AAMP: variants seen among roughly 807,000 people sequenced by gnomAD.
AAMP encodes the protein angio associated migratory cell protein.
Under a neutral mutation model 51.1 loss-of-function variants are expected in AAMP, and 12 were observed. The ratio of observed to expected loss-of-function variants is 0.23; its 90% CI spans 0.15 to 0.38. The LOEUF (loss-of-function observed/expected upper bound fraction) is 0.38, where lower values mean the gene tolerates loss of function less well. AAMP is among the 10% of genes least tolerant of loss of function. AAMP has a pLI of 1.00. For missense variants in AAMP, 418 were observed against 557.2 expected (o/e 0.75, Z 2.52); for synonymous variants, 210 against 218.7 (o/e 0.96, Z 0.35).
rs1559495044 is a variant in AAMP, at chr2:218,270,131, CAG to C, written c.-47_-46del. 1 of 1,607,412 alleles carries C rather than the reference CAG, an allele frequency of 6.2e-7. No individual in the cohort carries two copies. The highest frequency in any genetic ancestry group is 8.5e-7 in the Non-Finnish European group (1 of 1,176,306). On this transcript the variant is annotated 5_prime_UTR_variant, in exon 1 of 11. Transcript: ENST00000248450. Reference sequence around the variant, plus strand: ...CACTTCTCTGGGCCCAAACGCCTCCCAGAGTCAGCTCTGCGCGACGACGCGGA... The same window carrying C: ...CACTTCTCTGGGCCCAAACGCCTCCCAGTCAGCTCTGCGCGACGACGCGGA...
At chr2:218,264,930 C>A (rs1690585881) in intron 10 of AAMP, 90 bp downstream of exon 10, 5 of 1,579,234 alleles carry the variant, frequency 3.2e-6, no homozygotes, top group Non-Finnish European at 4.3e-6. Context: ...TTAGGAATCC[C>A]TTCCCACACC....
rs1448300114 is a variant in AAMP, at chr2:218,267,011, C to T, written c.395-25G>A. The T allele has an allele frequency of 1.2e-6, 2 of 1,608,250 alleles. No individual in the cohort carries two copies. The highest frequency in any genetic ancestry group is 8.5e-7 in the Non-Finnish European group (1 of 1,176,342). On this transcript the variant is annotated intron_variant, in intron 3 of 10. Coordinates refer to ENST00000248450, the MANE Select transcript of AAMP (RefSeq NM_001087.5). The surrounding 1 kb of genome is among the most constrained non-coding windows in gnomAD (Gnocchi z 4.6). Reference sequence around the variant, plus strand: ...CCTTCAAAGAAAAGTGGGCAGAAAACAGAGGAAAAAAATAGGGTACCTGGT... The same window carrying T: ...CCTTCAAAGAAAAGTGGGCAGAAAATAGAGGAAAAAAATAGGGTACCTGGT...
At chr2:218,264,777 C>T (rs749270539) in intron 10 of AAMP, among the ~76,000 whole-genome samples, 169 bp from the exon 11 acceptor site, 1 of 152,166 alleles carries the variant, frequency 6.6e-6, no homozygotes, top group African/African-American at 2.4e-5. Context: ...GCCCCCAGCA[C>T]GGGAGAAGCA....
At chr2:218,268,712 T>A (rs1329614071) in intron 2 of AAMP, among the ~76,000 whole-genome samples, 1 of 150,760 alleles carries the variant, frequency 6.6e-6, no homozygotes, top group Non-Finnish European at 1.5e-5. Flanking sequence ...TTTTTTTTTT[T>A]TTTGGAGACA....
chr2:218,266,725 G>A lies in AAMP; in HGVS notation c.534+122C>T, dbSNP rs551879676. The A allele has an allele frequency of 6.4e-6, 10 of 1,553,848 alleles. No homozygotes were observed. The African/African-American group carries it at 1.1e-4, about 17-fold the overall frequency. ...CAGGTAGCAGGTAGATATTCTTCCT[G>A]TGCCTTGGGGCGCATTGGCTCAGAG... On this transcript the variant is annotated intron_variant, in intron 4 of 10. Coordinates refer to ENST00000248450, the MANE Select transcript of AAMP (RefSeq NM_001087.5). This position sits in a 1 kb window ranked among gnomAD's most constrained non-coding sequence, Gnocchi z 4.7.
Position 218,267,130 on chromosome 2 carries a change from A to G in AAMP, c.395-144T>C. 1 of 942,690 alleles carries G rather than the reference A, an allele frequency of 1.1e-6. No individual in the cohort carries two copies. The highest frequency in any genetic ancestry group is 1.7e-5 in the African/African-American group (1 of 60,300). The allele number at this position is 942,690 out of a possible 1,614,324, so 58.4% of individuals were successfully genotyped here. On this transcript the variant is annotated intron_variant, in intron 3 of 10. Coordinates refer to ENST00000248450, the MANE Select transcript of AAMP (RefSeq NM_001087.5). The surrounding 1 kb of genome is among the most constrained non-coding windows in gnomAD (Gnocchi z 4.6). ...CTGAGCAGAACAGGTGCTGGAACTC[A>G]CCACCACTCTAGGAACCAATACTCC...
Position 218,267,319 on chromosome 2 carries a change from G to T in AAMP, c.394+175C>A. 1.0e-6 allele frequency: 1 copy of T among 987,108 alleles called. No homozygotes were observed. The highest frequency in any genetic ancestry group is 1.5e-6 in the Non-Finnish European group (1 of 666,264). 61.1% of individuals were successfully genotyped at this position (987,108 alleles called of 1,614,324 possible). A position where few individuals can be genotyped will look rare whatever the true frequency, so the allele number is the denominator to read the frequency against. ...TTCCCTTGGCCAATTAGTGCCTCCT[G>T]CCTCTGTGCCCAAAACACACTAGTA... On this transcript the variant is annotated intron_variant, in intron 3 of 10. Coordinates refer to ENST00000248450, the MANE Select transcript of AAMP (RefSeq NM_001087.5). The surrounding 1 kb of genome is among the most constrained non-coding windows in gnomAD (Gnocchi z 4.6).
rs144728691 is a variant in AAMP at position 218,269,021 on chromosome 2, C to T, written c.274+361G>A. Among the ~76,000 whole-genome samples, 65 of 151,642 alleles carry T rather than the reference C, an allele frequency of 4.3e-4. 2 individuals are homozygous for T. In the South Asian group the frequency reaches 7.3e-3, roughly 17 times the overall value. On this transcript the variant is annotated intron_variant, in intron 2 of 10. Coordinates refer to ENST00000248450, the MANE Select transcript of AAMP (RefSeq NM_001087.5). Reference sequence around the variant, plus strand: ...CAAATTTTTGTATTTTTAGTAGAGACTGGGTTTTGCCATGTTGGCCAGGCT... The same window carrying T: ...CAAATTTTTGTATTTTTAGTAGAGATTGGGTTTTGCCATGTTGGCCAGGCT...
chr2:218,269,790 A>AC (rs967359422), intron 1 of AAMP, 176 bp downstream of exon 1: 95 of 1,101,616 alleles, frequency 8.6e-5, no homozygotes, highest in Non-Finnish European at 1.1e-4. Context: ...GCGTCAGGGA[A>AC]CCCCCACCCC....
In AAMP at chr2:218,266,023, C is replaced by T. The variant is rs1690618779; in HGVS notation, c.763+41G>A. On this transcript the variant is annotated intron_variant, in intron 6 of 10. Transcript: ENST00000248450. The surrounding 1 kb of genome is among the most constrained non-coding windows in gnomAD (Gnocchi z 4.7). ...TCCTGCCCCAGGTTCTCAGCCCCTC[C>T]CTACAAAGGCCCAGGCTAACACTTC... 1.2e-6 allele frequency: 2 copies of T among 1,611,086 alleles called. No homozygotes were observed. The highest frequency in any genetic ancestry group is 1.3e-5 in the African/African-American group (1 of 74,966).
At chr2:218,269,598 T>C (rs757996430) in intron 1 of AAMP, 64 bp from the exon 2 acceptor site, 21 of 1,611,196 alleles carry the variant, frequency 1.3e-5, no homozygotes, top group Non-Finnish European at 1.7e-5. Context: ...GAGAGAAGCA[T>C]GAGGAGGCCT....
Position 218,267,810 on chromosome 2 carries a change from G to T in AAMP, c.275-197C>A, listed in dbSNP as rs1690669347. Among the ~76,000 whole-genome samples, 8 of 152,102 alleles carry T rather than the reference G, an allele frequency of 5.3e-5. No individual in the cohort carries two copies. The highest frequency in any genetic ancestry group is 5.2e-4 in the Admixed American group (8 of 15,282). On this transcript the variant is annotated intron_variant, in intron 2 of 10. Coordinates refer to ENST00000248450, the MANE Select transcript of AAMP (RefSeq NM_001087.5). This position sits in a 1 kb window ranked among gnomAD's most constrained non-coding sequence, Gnocchi z 4.6. ...CCCATATTTGCCAAGCTCCCTATTT[G>T]CCAGAGTAGATCCCCTCACTGTGTG...
Position 218,266,760 on chromosome 2 carries a change from C to T in AAMP, c.534+87G>A, listed in dbSNP as rs949130725. The stretch of plus-strand genomic sequence containing the variant: ...GCGCATTGGCTCAGAGCTGGCTTGG[C>T]GCAATAAAGGCAGAACTGGCCTCCC... On this transcript the variant is annotated intron_variant, in intron 4 of 10. Coordinates refer to ENST00000248450, the MANE Select transcript of AAMP (RefSeq NM_001087.5). The surrounding 1 kb of genome is among the most constrained non-coding windows in gnomAD (Gnocchi z 4.7). 29 of 1,585,840 alleles carry T rather than the reference C, an allele frequency of 1.8e-5. No individual in the cohort carries two copies. Among genetic ancestry groups the T allele is most frequent in the Middle Eastern group, 2.2e-4 (1 of 4,478 alleles).
chr2:218,269,761 AG>A, intron 1 of AAMP: 1 of 998,170 alleles, frequency 1.0e-6, no homozygotes, highest in South Asian at 1.5e-5. Context: ...GGGGTGTGTG[AG>A]GGGAAGGGCC....
At position 218,266,474 on chromosome 2, in the gene AAMP, G is replaced by A. The variant is rs749002829; in HGVS notation, c.648C>T (p.Cys216=). Residue 216 remains cysteine, a synonymous_variant, in exon 5 of 11, where the codon TGC becomes TGT. Transcript: ENST00000248450. The surrounding 1 kb of genome is among the most constrained non-coding windows in gnomAD (Gnocchi z 4.7). The part of the protein sequence containing the change: ...GDCKTFQGPN[C]PATCGRVLPD... ...GGAGGACTCGGCCACAGGTGGCTGG[G>A]CAGTTGGGACCCTGGAAGGTCTTGC... The A allele has an allele frequency of 1.8e-5, 29 of 1,614,116 alleles. No individual in the cohort carries two copies. The highest frequency in any genetic ancestry group is 2.5e-5 in the Non-Finnish European group (29 of 1,179,994).
intron 10 of AAMP, 117 bp from the exon 11 acceptor site, chr2:218,264,725 G>T: frequency 1.1e-6 from 1 of 943,304 alleles, no homozygotes. Flanking sequence ...GCCTAGCACT[G>T]GGCCGACATC....
In AAMP at chr2:218,264,268, TCA is replaced by T; in HGVS notation, c.*263_*264del. 1 of 525,702 alleles carries T rather than the reference TCA, an allele frequency of 1.9e-6. No individual in the cohort carries two copies. Among genetic ancestry groups the T allele is most frequent in the Non-Finnish European group, 3.4e-6 (1 of 292,474 alleles). 32.6% of individuals were successfully genotyped at this position (525,702 alleles called of 1,614,324 possible). A position where few individuals can be genotyped will look rare whatever the true frequency, so the allele number is the denominator to read the frequency against. ...CACATACAAATACACACCCCATGGCTCACACCAGCAAATGAAAGTGAAAGAGA... is the reference window on the plus strand; with the variant it reads ...CACATACAAATACACACCCCATGGCTCACCAGCAAATGAAAGTGAAAGAGA... On this transcript the variant is annotated 3_prime_UTR_variant, in exon 11 of 11. Coordinates refer to ENST00000248450, the MANE Select transcript of AAMP (RefSeq NM_001087.5).
At position 218,267,635 on chromosome 2, in the gene AAMP, G is replaced by T. The variant is rs1690665108; in HGVS notation, c.275-22C>A. On this transcript the variant is annotated intron_variant, in intron 2 of 10. Transcript: ENST00000248450. This position sits in a 1 kb window ranked among gnomAD's most constrained non-coding sequence, Gnocchi z 4.6. Reference sequence around the variant, plus strand: ...GATGCTGTCCCAAGAGATATTCCATGGGTAAGGGGACAGAGCTCCCACCTA... The same window carrying T: ...GATGCTGTCCCAAGAGATATTCCATTGGTAAGGGGACAGAGCTCCCACCTA... The T allele has an allele frequency of 3.0e-5, 48 of 1,613,906 alleles. No individual in the cohort carries two copies. In the East Asian group the frequency reaches 1.0e-3, roughly 35 times the overall value.
intron 1 of AAMP, 97 bp from the exon 2 acceptor site, chr2:218,269,631 C>A: frequency 6.3e-7 from 1 of 1,592,712 alleles, no homozygotes; most frequent in Non-Finnish European, 8.6e-7. Context: ...GGTCATGTGG[C>A]GAGAAGGGAA....
Sources: allele counts gnomAD v4.1 joint callset (sites outside exome capture counted in the v4.1 genomes callset), GRCh38; gene constraint gnomAD v4.1.1; non-coding constraint Gnocchi (gnomAD v3.1); transcripts MANE v1.5; gene names NCBI Gene and HGNC (gene_info 2026-07-23, HGNC 2026-07-21).